NDUFS4: variants seen among roughly 807,000 people sequenced by gnomAD.
NDUFS4 encodes the protein NADH:ubiquinone oxidoreductase subunit S4, also known as NADH dehydrogenase [ubiquinone] iron-sulfur protein 4, mitochondrial.
In NDUFS4, 28 loss-of-function variants were observed where a neutral mutation model predicts 24.3. That is an observed-to-expected ratio of 1.15 (90% confidence interval 0.85 to 1.58). The LOEUF (loss-of-function observed/expected upper bound fraction) is 1.58. Among genes scored for constraint, NDUFS4 ranks in the 40% most tolerant of loss-of-function variants. The pLI is 0.00. For synonymous variants in NDUFS4, 93 were observed against 69.7 expected (o/e 1.34, Z -1.67); for missense variants, 223 against 207.9 (o/e 1.07, Z -0.45).
At chr5:53,623,861 G>A (rs1479411381) in intron 2 of NDUFS4, among the ~76,000 whole-genome samples, 1 of 152,082 alleles carries the variant, frequency 6.6e-6, no homozygotes, top group African/African-American at 2.4e-5. Context: ...TGGGACTACA[G>A]GCGTGCACCA....
chr5:53,630,772 C>T (rs1327859825), intron 2 of NDUFS4, among the ~76,000 whole-genome samples: 2 of 152,076 alleles, frequency 1.3e-5, no homozygotes, highest in African/African-American at 4.8e-5. Context: ...TTCTAGTCAG[C>T]AATTTGTCTA....
intron 1 of NDUFS4, among the ~76,000 whole-genome samples, chr5:53,577,134 A>G (rs1018702853): frequency 6.6e-6 from 1 of 152,142 alleles, no homozygotes; most frequent in African/African-American, 2.4e-5. Flanking sequence ...GGGAACAAAA[A>G]AGTATGATGT....
intron 4 of NDUFS4, among the ~76,000 whole-genome samples, chr5:53,661,536 A>G (rs938695229): frequency 1.2e-4 from 18 of 152,154 alleles, no homozygotes; most frequent in African/African-American, 4.3e-4. Flanking sequence ...AATTCTTTGA[A>G]GAAAGTCATT....
At chr5:53,611,846 C>G (rs985970170) in intron 2 of NDUFS4, among the ~76,000 whole-genome samples, 28 of 151,934 alleles carry the variant, frequency 1.8e-4, no homozygotes, top group African/African-American at 3.4e-4. Context: ...AACATGTTGT[C>G]TTTTTTATAT....
Position 53,683,064 on chromosome 5 carries a change from A to G in NDUFS4, c.425-54A>G, listed in dbSNP as rs1740723236. 6.9e-6 allele frequency: 8 copies of G among 1,161,072 alleles called. No individual in the cohort carries two copies. The Admixed American group carries it at 8.4e-5, about 12-fold the overall frequency. The allele number at this position is 1,161,072 out of a possible 1,614,324, so 71.9% of individuals were successfully genotyped here. A position where few individuals can be genotyped will look rare whatever the true frequency, so the allele number is the denominator to read the frequency against. ...CTAGCCTCTGCTTGCTGTGCTTTTC[A>G]GGTATCCTCTTTAATTCTGTTTCTG... On this transcript the variant is annotated intron_variant, in intron 4 of 4. Coordinates refer to ENST00000296684, the MANE Select transcript of NDUFS4 (RefSeq NM_002495.4).
intron 2 of NDUFS4, among the ~76,000 whole-genome samples, chr5:53,626,992 C>T (rs777617574): frequency 2.7e-4 from 41 of 150,364 alleles, no homozygotes; most frequent in Non-Finnish European, 1.0e-4. Context: ...CCTAGGTTTT[C>T]TTCTAGGGTT....
rs150097996 is a variant in NDUFS4 at position 53,566,825 on chromosome 5, G to A, written c.98+6065G>A. Among the ~76,000 whole-genome samples the A allele has an allele frequency of 5.1e-4, 77 of 150,288 alleles. No individual in the cohort carries two copies. The East Asian group carries it at 0.015, about 29-fold the overall frequency. On this transcript the variant is annotated intron_variant, in intron 1 of 4. Coordinates refer to ENST00000296684, the MANE Select transcript of NDUFS4 (RefSeq NM_002495.4). ...ACTGTACATGATAAGTACAGATGCAGTTTTTCCTCCCCCACCGCCAAGTAT... is the reference window on the plus strand; with the variant it reads ...ACTGTACATGATAAGTACAGATGCAATTTTTCCTCCCCCACCGCCAAGTAT...
At chr5:53,670,562 A>G (rs1752636678) in intron 4 of NDUFS4, among the ~76,000 whole-genome samples, 1 of 151,654 alleles carries the variant, frequency 6.6e-6, no homozygotes. Flanking sequence ...AAACTTATGT[A>G]TGGCTCACAT....
At chr5:53,676,230 A>C (rs773390495) in intron 4 of NDUFS4, among the ~76,000 whole-genome samples, 1 of 152,176 alleles carries the variant, frequency 6.6e-6, no homozygotes, top group Non-Finnish European at 1.5e-5. Flanking sequence ...AGTCAAATCT[A>C]TGAGAGAGGA....
chr5:53,667,548 CTTCT>C (rs764019799), intron 4 of NDUFS4, among the ~76,000 whole-genome samples: 1 of 151,676 alleles, frequency 6.6e-6, no homozygotes, highest in Non-Finnish European at 1.5e-5. Flanking sequence ...CATCCTCTTC[CTTCT>C]GACTTGCCCC....
At chr5:53,662,256 A>G (rs1195915446) in intron 4 of NDUFS4, among the ~76,000 whole-genome samples, 2 of 152,120 alleles carry the variant, frequency 1.3e-5, no homozygotes, top group Non-Finnish European at 2.9e-5. Flanking sequence ...TCAGATAATC[A>G]TGTGGTTTTT....
At chr5:53,593,908 A>G (rs539175132) in intron 1 of NDUFS4, among the ~76,000 whole-genome samples, 1 of 152,132 alleles carries the variant, frequency 6.6e-6, no homozygotes, top group Non-Finnish European at 1.5e-5. Context: ...GAGAGCTTGC[A>G]TTGTGTGGTT....
At chr5:53,657,332 G>A (rs990298414) in intron 3 of NDUFS4, among the ~76,000 whole-genome samples, 11 of 152,050 alleles carry the variant, frequency 7.2e-5, no homozygotes, top group African/African-American at 2.7e-4. Context: ...GCTTACAAAG[G>A]GTAGGGGTGG....
intron 1 of NDUFS4, among the ~76,000 whole-genome samples, chr5:53,563,244 A>C (rs559719438): frequency 8.6e-5 from 13 of 151,286 alleles, no homozygotes; most frequent in African/African-American, 1.9e-4. Context: ...AACAAAAAAA[A>C]AAAAAAAAAA....
intron 4 of NDUFS4, among the ~76,000 whole-genome samples, chr5:53,673,797 G>A (rs1222633913): frequency 6.6e-6 from 1 of 152,106 alleles, no homozygotes; most frequent in African/African-American, 2.4e-5. Flanking sequence ...AATTGAAAAT[G>A]GTTACACGTC....
At chr5:53,649,852 T>G (rs1251657241) in intron 3 of NDUFS4, among the ~76,000 whole-genome samples, 1 of 152,226 alleles carries the variant, frequency 6.6e-6, no homozygotes, top group African/African-American at 2.4e-5. Context: ...CCATTCTGAC[T>G]GGTATGAAAT....
intron 4 of NDUFS4, among the ~76,000 whole-genome samples, chr5:53,661,847 A>G (rs536981258): frequency 2.6e-5 from 4 of 152,162 alleles, no homozygotes; most frequent in Non-Finnish European, 4.4e-5. Flanking sequence ...CATGGATTTT[A>G]TATCCTGAGA....
At chr5:53,668,616 ATTTT>A (rs951595795) in intron 4 of NDUFS4, among the ~76,000 whole-genome samples, 6 of 132,334 alleles carry the variant, frequency 4.5e-5, no homozygotes, top group Non-Finnish European at 6.4e-5. Flanking sequence ...TGTCCAGCTA[ATTTT>A]TTTTTTTTTT....
At chr5:53,657,903 C>T (rs189992857) in intron 3 of NDUFS4, among the ~76,000 whole-genome samples, 56 of 142,284 alleles carry the variant, frequency 3.9e-4, no homozygotes, top group Admixed American at 3.4e-3. Context: ...CCAGCCTGGG[C>T]GACAGAGTGA....
Sources: gnomAD v4.1 joint callset for allele counts (sites outside exome capture counted in the v4.1 genomes callset) on GRCh38, gnomAD v4.1.1 for gene constraint, MANE v1.5 for transcripts, NCBI Gene and HGNC (gene_info 2026-07-23, HGNC 2026-07-21) for gene names.